The following PPP3R1 variants were observed in gnomAD, a reference collection of about 807,000 sequenced individuals.
The protein encoded by PPP3R1 is calcineurin subunit B type 1.
Under a neutral mutation model 22.6 loss-of-function variants are expected in PPP3R1, and 5 were observed. The observed-to-expected ratio is 0.22, with a 90% CI of 0.12 to 0.46. PPP3R1 has a LOEUF of 0.46. Among genes scored for constraint, PPP3R1 ranks in the 20% least tolerant of loss-of-function variants. PPP3R1 has a pLI of 0.99. For synonymous variants in PPP3R1, 56 were observed against 65.2 expected (o/e 0.86, Z 0.68); for missense variants, 61 against 203.2 (o/e 0.30, Z 4.25).
chr2:68,214,542 C>G (rs1356696577), intron 2 of PPP3R1, among the ~76,000 whole-genome samples: 2 of 152,150 alleles, frequency 1.3e-5, no homozygotes, highest in Non-Finnish European at 2.9e-5. Context: ...CTCAACATCA[C>G]TAATCATTAG....
chr2:68,211,484 G>C (rs754219102), intron 2 of PPP3R1, among the ~76,000 whole-genome samples: 2 of 149,904 alleles, frequency 1.3e-5, no homozygotes, highest in Non-Finnish European at 3.0e-5. Context: ...TAATTGTTCT[G>C]CTGTTGGTAG....
chr2:68,217,266 C>T (rs1669598393), intron 1 of PPP3R1, 135 bp from the exon 2 acceptor site: 1 of 531,230 alleles, frequency 1.9e-6, no homozygotes, highest in Non-Finnish European at 3.4e-6. Context: ...ATATAAATTA[C>T]ATTTATATTT....
chr2:68,250,892 A>C (rs1239614008), intron 1 of PPP3R1: 4 of 152,236 alleles, frequency 2.6e-5, no homozygotes, highest in African/African-American at 9.7e-5. Context: ...AAGCAACAGC[A>C]TTCCTCCCTT....
intron 1 of PPP3R1, among the ~76,000 whole-genome samples, chr2:68,236,257 T>C (rs1465509749): frequency 6.6e-6 from 1 of 152,190 alleles, no homozygotes; most frequent in Non-Finnish European, 1.5e-5. Context: ...AACATGCGTT[T>C]GTAAAGTTTT....
intron 1 of PPP3R1, among the ~76,000 whole-genome samples, 157 bp from the exon 2 acceptor site, chr2:68,217,288 G>A (rs1267185091): frequency 6.6e-6 from 1 of 151,870 alleles, no homozygotes; most frequent in Non-Finnish European, 1.5e-5. Flanking sequence ...TAAAAAATAA[G>A]AAAACAAATG....
chr2:68,209,811 C>T (rs993085516), intron 2 of PPP3R1, among the ~76,000 whole-genome samples: 2 of 151,980 alleles, frequency 1.3e-5, no homozygotes, highest in African/African-American at 2.4e-5. Flanking sequence ...ACAACAACAA[C>T]AAAAAAGCCC....
At chr2:68,230,500 A>G (rs1446434143) in intron 1 of PPP3R1, among the ~76,000 whole-genome samples, 1 of 152,188 alleles carries the variant, frequency 6.6e-6, no homozygotes, top group Admixed American at 6.5e-5. Context: ...TTTCCTCTAC[A>G]TACCTTTAGA....
chr2:68,204,938 G>C (rs17590779), intron 2 of PPP3R1, among the ~76,000 whole-genome samples: 62,757 of 152,032 alleles, frequency 0.41, 13,349 homozygotes, highest in South Asian at 0.62. Flanking sequence ...AGTTTGAACA[G>C]CCACTTATTA....
intron 1 of PPP3R1, among the ~76,000 whole-genome samples, chr2:68,218,273 C>A (rs757985222): frequency 2.6e-5 from 4 of 151,994 alleles, no homozygotes; most frequent in Non-Finnish European, 5.9e-5. Flanking sequence ...GTATGACTGG[C>A]TGGCTTTTAA....
intron 1 of PPP3R1, among the ~76,000 whole-genome samples, chr2:68,232,003 T>A (rs557876082): frequency 6.6e-6 from 1 of 151,002 alleles, no homozygotes; most frequent in Admixed American, 6.6e-5. Flanking sequence ...CTCATGCCTG[T>A]AATCCCAGCA....
At chr2:68,233,719 C>G (rs1267534183) in intron 1 of PPP3R1, among the ~76,000 whole-genome samples, 2 of 151,986 alleles carry the variant, frequency 1.3e-5, no homozygotes, top group Non-Finnish European at 2.9e-5. Context: ...TTCTTTTCTA[C>G]TATTCTTTAA....
intron 1 of PPP3R1, among the ~76,000 whole-genome samples, chr2:68,251,799 G>A (rs1169265026): frequency 6.6e-6 from 1 of 150,692 alleles, no homozygotes; most frequent in East Asian, 1.9e-4. Flanking sequence ...AGTGCGCCGG[G>A]CTGATGGTCA....
At chr2:68,185,143 A>G (rs912142824) in intron 5 of PPP3R1, among the ~76,000 whole-genome samples, 1 of 151,050 alleles carries the variant, frequency 6.6e-6, no homozygotes, top group African/African-American at 2.4e-5. Context: ...CACTCGAACC[A>G]GGGAGTCGGA....
chr2:68,239,039 A>G (rs1184926928), intron 1 of PPP3R1, among the ~76,000 whole-genome samples: 1 of 152,234 alleles, frequency 6.6e-6, no homozygotes, highest in Non-Finnish European at 1.5e-5. Context: ...GGTACAGACG[A>G]AAGTAACAGA....
At chr2:68,193,028 C>A (rs1019325219) in intron 2 of PPP3R1, among the ~76,000 whole-genome samples, 1 of 152,140 alleles carries the variant, frequency 6.6e-6, no homozygotes. Context: ...ATAGTTGTAT[C>A]ATTATCTCAC....
chr2:68,187,410 G>T, intron 3 of PPP3R1, 96 bp from the exon 4 acceptor site: 1 of 1,101,272 alleles, frequency 9.1e-7, no homozygotes, highest in Non-Finnish European at 1.3e-6. Flanking sequence ...ATATTTCCTT[G>T]CTGCAAAACA....
rs544623645 is a variant in PPP3R1, at chr2:68,234,719, T to C, written c.3+17406A>G. 1.6e-4 allele frequency among the ~76,000 whole-genome samples: 24 copies of C among 152,342 alleles called. No individual in the cohort carries two copies. In the South Asian group the frequency reaches 4.8e-3, roughly 30 times the overall value. On this transcript the variant is annotated intron_variant, in intron 1 of 5. Coordinates refer to ENST00000234310, the MANE Select transcript of PPP3R1 (RefSeq NM_000945.4). ...TATTACATGGAAACTTTCCAACAAC[T>C]TCCTGCAGGTAGCAACAATAATTTG...
chr2:68,188,498 A>T lies in PPP3R1; in HGVS notation c.220+16T>A. On this transcript the variant is annotated intron_variant, in intron 3 of 5. Transcript: ENST00000234310. ...GTTAGATAACTTGTGGTTATAAAAA[A>T]TAACTACTTTCTTACCTTTAAAGTC... is the stretch of plus-strand genomic sequence containing the variant. 1 of 1,562,870 alleles carries T rather than the reference A, an allele frequency of 6.4e-7. No individual in the cohort carries two copies. The highest frequency in any genetic ancestry group is 8.7e-7 in the Non-Finnish European group (1 of 1,153,968).
chr2:68,218,729 T>TTG (rs370561121), intron 1 of PPP3R1, among the ~76,000 whole-genome samples: 73,098 of 145,704 alleles, frequency 0.5, 20,964 homozygotes, highest in African/African-American at 0.81. Flanking sequence ...TCACTGTGAG[T>TTG]TTTTTTTTTT....
Sources: allele counts gnomAD v4.1 joint callset (sites outside exome capture counted in the v4.1 genomes callset), GRCh38; gene constraint gnomAD v4.1.1; transcripts MANE v1.5; gene names NCBI Gene and HGNC (gene_info 2026-07-23, HGNC 2026-07-21).